HDAC9: variants seen among roughly 807,000 people sequenced by gnomAD.
The protein encoded by HDAC9 is histone deacetylase 9.
A neutral mutation model predicts 139.4 loss-of-function variants in HDAC9; 41 were observed. That is an observed-to-expected ratio of 0.29 (90% CI 0.23 to 0.38). The LOEUF (loss-of-function observed/expected upper bound fraction) is 0.38, where lower values mean the gene tolerates loss of function less well. Among genes scored for constraint, HDAC9 ranks in the 10% least tolerant of loss-of-function variants. HDAC9 has a pLI of 1.00. For synonymous variants in HDAC9, 517 were observed against 476.2 expected (o/e 1.09, Z -1.12); for missense variants, 1,147 against 1,297.0 (o/e 0.88, Z 1.78).
rs566550908 is a variant in HDAC9 at position 18,661,756 on chromosome 7, A to G, written c.1468-4457A>G. 1.1e-4 allele frequency among the ~76,000 whole-genome samples: 16 copies of G among 152,230 alleles called. 1 individual carries two copies. The South Asian group carries it at 2.5e-3, about 24-fold the overall frequency. On this transcript the variant is annotated intron_variant, in intron 11 of 25. Coordinates refer to ENST00000686413, the MANE Select transcript of HDAC9 (RefSeq NM_178425.4). ...ATTCTGCTCTTGGAAAAAGATCACA[A>G]CGTTATTTATTCTGGCTTTTTTCTT...
At chr7:18,679,826 G>C (rs1173149613) in intron 12 of HDAC9, among the ~76,000 whole-genome samples, 1 of 151,662 alleles carries the variant, frequency 6.6e-6, no homozygotes, top group Admixed American at 6.6e-5. Flanking sequence ...TTTACATTTT[G>C]TATATTATAT....
intron 16 of HDAC9, among the ~76,000 whole-genome samples, chr7:18,786,619 C>T (rs13225982): frequency 0.025 from 427 of 16,992 alleles, 3 homozygotes; most frequent in South Asian, 0.043. Context: ...CCTTCCTTCC[C>T]TCCCTCCCTC....
At chr7:18,403,250 T>C (rs762234067) in intron 1 of HDAC9, among the ~76,000 whole-genome samples, 2 of 152,178 alleles carry the variant, frequency 1.3e-5, no homozygotes, top group Non-Finnish European at 2.9e-5. Flanking sequence ...TTATCTCAAA[T>C]AGAAACATAT....
chr7:18,347,387 G>A (rs562172018), intron 1 of HDAC9, among the ~76,000 whole-genome samples: 1 of 152,240 alleles, frequency 6.6e-6, no homozygotes, highest in South Asian at 2.1e-4. Flanking sequence ...GAGGCTTAGG[G>A]GAGGATGTTT....
chr7:18,370,588 T>G (rs1339141334), intron 1 of HDAC9, among the ~76,000 whole-genome samples: 1 of 152,176 alleles, frequency 6.6e-6, no homozygotes, highest in Non-Finnish European at 1.5e-5. Flanking sequence ...AGTCTGTAAA[T>G]CATAAGTGTG....
intron 1 of HDAC9, among the ~76,000 whole-genome samples, chr7:18,472,382 AAG>A (rs1408165340): frequency 2.6e-5 from 4 of 152,096 alleles, no homozygotes; most frequent in African/African-American, 9.7e-5. Flanking sequence ...GGATCCTAGA[AAG>A]AGAATGGAGT....
chr7:18,387,831 T>G (rs143958032), intron 1 of HDAC9, among the ~76,000 whole-genome samples: 1 of 152,310 alleles, frequency 6.6e-6, no homozygotes, highest in East Asian at 1.9e-4. Context: ...TGTTGGGGAC[T>G]GTGTTTGTGA....
At chr7:18,672,502 GTTTTC>G (rs1461536957) in intron 12 of HDAC9, among the ~76,000 whole-genome samples, 1 of 151,902 alleles carries the variant, frequency 6.6e-6, no homozygotes, top group East Asian at 1.9e-4. Flanking sequence ...TATTCTGTCA[GTTTTC>G]TTTTCATTTT....
intron 12 of HDAC9, among the ~76,000 whole-genome samples, chr7:18,719,757 A>G (rs78133608): frequency 0.045 from 6,915 of 152,250 alleles, 561 homozygotes; most frequent in African/African-American, 0.16. Context: ...ATTTGGTTCC[A>G]TGATCCATTT....
intron 1 of HDAC9, among the ~76,000 whole-genome samples, chr7:18,437,493 T>C (rs1562986476): frequency 1.3e-5 from 2 of 151,632 alleles, no homozygotes; most frequent in South Asian, 4.2e-4. Context: ...GGGAAAAAGA[T>C]TGCAAATTTA....
intron 2 of HDAC9, among the ~76,000 whole-genome samples, chr7:18,507,293 C>A (rs1201305676): frequency 6.6e-6 from 1 of 151,100 alleles, no homozygotes; most frequent in Non-Finnish European, 1.5e-5. Flanking sequence ...CGGGTTCACA[C>A]CAATCTCCCA....
chr7:18,665,419 G>A (rs1226436070), intron 11 of HDAC9, among the ~76,000 whole-genome samples: 1 of 152,098 alleles, frequency 6.6e-6, no homozygotes. Flanking sequence ...TATTGTTTAA[G>A]TTAGGCATAT....
At chr7:18,097,565 A>T in intron 1 of HDAC9, among the ~76,000 whole-genome samples, 1 of 147,660 alleles carries the variant, frequency 6.8e-6, no homozygotes, top group African/African-American at 2.5e-5. Flanking sequence ...TGGATTATCT[A>T]TATCATTATT....
intron 19 of HDAC9, among the ~76,000 whole-genome samples, chr7:18,830,850 T>C (rs542634456): frequency 6.6e-6 from 1 of 152,336 alleles, no homozygotes; most frequent in South Asian, 2.1e-4. Context: ...AGCAGCAAGA[T>C]GTTACAATTT....
intron 11 of HDAC9, among the ~76,000 whole-genome samples, chr7:18,653,322 GA>G (rs1476297762): frequency 6.6e-6 from 1 of 151,308 alleles, no homozygotes; most frequent in Non-Finnish European, 1.5e-5. Flanking sequence ...TATCTTTAAG[GA>G]AATAAAATTT....
At position 18,239,367 on chromosome 7, in the gene HDAC9, A is replaced by G. The variant is rs575796903; in HGVS notation, c.25+77018A>G. On this transcript the variant is annotated intron_variant, in intron 2 of 12. Transcript: ENST00000417496. ...CTCTTGTCTGACATTCTGACTTGAA[A>G]AGGAAGAGCCCCTGCAACCACATAG... is the stretch of plus-strand genomic sequence containing the variant. 1.1e-4 allele frequency among the ~76,000 whole-genome samples: 16 copies of G among 152,292 alleles called. No individual in the cohort carries two copies. The South Asian group carries it at 3.3e-3, about 32-fold the overall frequency.
chr7:18,474,516 T>A (rs1023054392), intron 1 of HDAC9, among the ~76,000 whole-genome samples: 1 of 152,200 alleles, frequency 6.6e-6, no homozygotes, highest in Non-Finnish European at 1.5e-5. Context: ...TGTACATATT[T>A]TATTATCTTT....
At chr7:18,220,433 T>G (rs915351160) in intron 2 of HDAC9, among the ~76,000 whole-genome samples, 1 of 152,124 alleles carries the variant, frequency 6.6e-6, no homozygotes, top group Non-Finnish European at 1.5e-5. Flanking sequence ...TGGAACCAGC[T>G]CTTAAGTGTA....
At chr7:18,150,515 A>G (rs1337328637) in intron 1 of HDAC9, among the ~76,000 whole-genome samples, 1 of 152,200 alleles carries the variant, frequency 6.6e-6, no homozygotes, top group Non-Finnish European at 1.5e-5. Flanking sequence ...ATGATTATAA[A>G]AATAATAACT....
Sources: gnomAD v4.1 joint callset for allele counts (sites outside exome capture counted in the v4.1 genomes callset) on GRCh38, gnomAD v4.1.1 for gene constraint, MANE v1.5 for transcripts, NCBI Gene and HGNC (gene_info 2026-07-23, HGNC 2026-07-21) for gene names.